Variants in FSTL5 observed in about 807,000 individuals in gnomAD.
FSTL5 encodes follistatin like 5, also known as follistatin-related protein 5.
Under a neutral mutation model 89.1 loss-of-function variants are expected in FSTL5, and 62 were observed. That is an observed-to-expected ratio of 0.70 (90% CI 0.57 to 0.86). FSTL5 has a LOEUF of 0.86. FSTL5 is among the 40% of genes least tolerant of loss of function. The probability of loss-of-function intolerance (pLI) is 0.00; values close to 1 mark genes in which losing one functional copy is unlikely to be tolerated. For synonymous variants in FSTL5, 383 were observed against 346.2 expected (o/e 1.11, Z -1.18); for missense variants, 1,057 against 1,001.6 (o/e 1.06, Z -0.75).
chr4:161,654,489 T>A (rs1399101709), intron 7 of FSTL5, among the ~76,000 whole-genome samples: 1 of 152,136 alleles, frequency 6.6e-6, no homozygotes, highest in African/African-American at 2.4e-5. Flanking sequence ...TCAATGTTCT[T>A]GGCATCTTAG....
At chr4:161,821,313 C>T (rs1165722940) in intron 4 of FSTL5, among the ~76,000 whole-genome samples, 1 of 152,066 alleles carries the variant, frequency 6.6e-6, no homozygotes, top group African/African-American at 2.4e-5. Context: ...GCCACGATGA[C>T]CAGTGTGAAC....
chr4:162,158,738 A>G (rs1270063219), intron 1 of FSTL5, among the ~76,000 whole-genome samples: 2 of 152,088 alleles, frequency 1.3e-5, no homozygotes, highest in Non-Finnish European at 2.9e-5. Context: ...TTACAAAGCC[A>G]TGCAAATGTT....
At chr4:161,570,032 C>T (rs1431699598) in intron 8 of FSTL5, among the ~76,000 whole-genome samples, 2 of 152,146 alleles carry the variant, frequency 1.3e-5, no homozygotes, top group Admixed American at 6.6e-5. Flanking sequence ...TTTAAAAATG[C>T]TGCCTCTTTA....
chr4:162,076,659 G>A (rs1729858345), intron 2 of FSTL5, among the ~76,000 whole-genome samples: 1 of 151,772 alleles, frequency 6.6e-6, no homozygotes, highest in Non-Finnish European at 1.5e-5. Flanking sequence ...CCAACATTGT[G>A]ATGAGAAAGA....
intron 6 of FSTL5, among the ~76,000 whole-genome samples, chr4:161,733,772 GTATT>G (rs1221616833): frequency 1.3e-5 from 2 of 151,634 alleles, no homozygotes; most frequent in African/African-American, 2.4e-5. Flanking sequence ...ATATTTTACT[GTATT>G]TACTTACTTT....
At chr4:161,465,858 G>A (rs911879466) in intron 13 of FSTL5, among the ~76,000 whole-genome samples, 1 of 152,132 alleles carries the variant, frequency 6.6e-6, no homozygotes, top group Non-Finnish European at 1.5e-5. Flanking sequence ...GTGATATTGA[G>A]ATTATTAATT....
chr4:161,623,253 G>C (rs1442843970), intron 7 of FSTL5, among the ~76,000 whole-genome samples: 1 of 151,864 alleles, frequency 6.6e-6, no homozygotes, highest in Non-Finnish European at 1.5e-5. Context: ...ATTGAATTTT[G>C]TACTGGATTT....
chr4:161,987,292 A>G (rs1735989595), intron 3 of FSTL5, among the ~76,000 whole-genome samples: 1 of 151,748 alleles, frequency 6.6e-6, no homozygotes, highest in Non-Finnish European at 1.5e-5. Flanking sequence ...GTTTGTTTTC[A>G]GCACAAACAC....
intron 13 of FSTL5, among the ~76,000 whole-genome samples, chr4:161,470,037 T>C (rs1230944177): frequency 1.3e-5 from 2 of 152,186 alleles, no homozygotes. Context: ...TCTTCTATTA[T>C]GTGGGTTGTC....
At chr4:161,693,217 A>G (rs1356016969) in intron 6 of FSTL5, among the ~76,000 whole-genome samples, 1 of 152,172 alleles carries the variant, frequency 6.6e-6, no homozygotes, top group Non-Finnish European at 1.5e-5. Flanking sequence ...CATTTTCTTA[A>G]AGATTTCCGT....
intron 3 of FSTL5, among the ~76,000 whole-genome samples, chr4:162,005,441 G>C (rs1342221754): frequency 6.6e-6 from 1 of 152,042 alleles, no homozygotes; most frequent in African/African-American, 2.4e-5. Flanking sequence ...ATTATTTTAT[G>C]CATTATTGAA....
chr4:161,457,644 TA>T (rs919295362), intron 14 of FSTL5, among the ~76,000 whole-genome samples: 39 of 150,954 alleles, frequency 2.6e-4, no homozygotes, highest in African/African-American at 8.0e-4. Context: ...TTTAGTTTTT[TA>T]AAAAAAAAGA....
intron 6 of FSTL5, among the ~76,000 whole-genome samples, chr4:161,685,056 G>C (rs1450719889): frequency 6.6e-6 from 1 of 152,098 alleles, no homozygotes; most frequent in Non-Finnish European, 1.5e-5. Context: ...TCAGTTGGCT[G>C]TAAGTATTTG....
At chr4:161,892,817 T>C (rs920570202) in intron 4 of FSTL5, among the ~76,000 whole-genome samples, 5 of 152,144 alleles carry the variant, frequency 3.3e-5, no homozygotes, top group Non-Finnish European at 7.4e-5. Flanking sequence ...GAAAGAAATG[T>C]CAGAAATTGA....
chr4:161,606,423 G>A (rs1734443172), intron 7 of FSTL5, among the ~76,000 whole-genome samples: 1 of 151,590 alleles, frequency 6.6e-6, no homozygotes, highest in South Asian at 2.1e-4. Flanking sequence ...ATAGAGACGG[G>A]GTTGCACCAT....
intron 7 of FSTL5, among the ~76,000 whole-genome samples, chr4:161,604,136 A>G (rs2126628323): frequency 6.6e-6 from 1 of 152,248 alleles, no homozygotes; most frequent in South Asian, 2.1e-4. Flanking sequence ...CTTACTTTCA[A>G]TGTTCATTTT....
At chr4:161,390,575 C>T (rs1730789232) in intron 15 of FSTL5, among the ~76,000 whole-genome samples, 3 of 152,040 alleles carry the variant, frequency 2.0e-5, no homozygotes, top group Non-Finnish European at 4.4e-5. Context: ...GGTTCCAGGC[C>T]TTGTCACCTG....
chr4:162,128,479 G>A lies in FSTL5; in HGVS notation c.-16-17067C>T, dbSNP rs529604336. Among the ~76,000 whole-genome samples, 7 of 152,284 alleles carry A rather than the reference G, an allele frequency of 4.6e-5. No individual in the cohort carries two copies. The East Asian group carries it at 1.4e-3, about 29-fold the overall frequency. ...ATCCCTTGCCCCTTCCACCATGTGAGTACATAGGGAGAAGCCACCTTCTTT... is the reference window on the plus strand; with the variant it reads ...ATCCCTTGCCCCTTCCACCATGTGAATACATAGGGAGAAGCCACCTTCTTT... On this transcript the variant is annotated intron_variant, in intron 1 of 15. Coordinates refer to ENST00000306100, the MANE Select transcript of FSTL5 (RefSeq NM_020116.5).
At chr4:161,661,327 T>A in intron 6 of FSTL5, among the ~76,000 whole-genome samples, 1 of 152,160 alleles carries the variant, frequency 6.6e-6, no homozygotes, top group East Asian at 1.9e-4. Flanking sequence ...AATCTTATTA[T>A]CCTCATCATG....
Sources: allele counts gnomAD v4.1 joint callset (sites outside exome capture counted in the v4.1 genomes callset), GRCh38; gene constraint gnomAD v4.1.1; transcripts MANE v1.5; gene names NCBI Gene and HGNC (gene_info 2026-07-23, HGNC 2026-07-21).